The following CEP290 variants were observed in gnomAD, a reference collection of about 807,000 sequenced individuals.
CEP290 encodes centrosomal protein of 290 kDa.
Under a neutral mutation model 344.9 loss-of-function variants are expected in CEP290, and 317 were observed. The ratio of observed to expected loss-of-function variants is 0.92; its 90% CI spans 0.84 to 1.01. The LOEUF is 1.01. Ranked by LOEUF, CEP290 falls within the 50% of genes least tolerant of loss-of-function variation. The pLI, the probability that CEP290 is intolerant of heterozygous loss-of-function variation, is 0.00. For missense variants in CEP290, 2,754 were observed against 2,761.4 expected (o/e 1.00, Z 0.06); for synonymous variants, 932 against 895.8 (o/e 1.04, Z -0.72).
chr12:88,104,704 G>A (rs939958155), intron 25 of CEP290, among the ~76,000 whole-genome samples: 1 of 151,988 alleles, frequency 6.6e-6, no homozygotes, highest in Non-Finnish European at 1.5e-5. Context: ...TTCTCAGCAA[G>A]ATATATTCTG....
At chr12:88,050,312 G>A (rs2033372577) in intron 53 of CEP290, 42 bp downstream of exon 53, 2 of 939,302 alleles carry the variant, frequency 2.1e-6, no homozygotes, top group East Asian at 2.5e-5. Context: ...GTTTTCAACA[G>A]CTGTTTTCAC....
chr12:88,127,033 T>C (rs887683610), intron 11 of CEP290, among the ~76,000 whole-genome samples: 2 of 9,008 alleles, frequency 2.2e-4, no homozygotes, highest in Non-Finnish European at 6.2e-4. Flanking sequence ...TTTTTAGATA[T>C]TAAAACATAC....
rs1206964618 is a variant in CEP290 at position 88,126,327 on chromosome 12, C to A, written c.1054G>T (p.Ala352Ser). 1.3e-6 allele frequency: 2 copies of A among 1,485,686 alleles called. No individual in the cohort carries two copies. Among genetic ancestry groups the A allele is most frequent in the Admixed American group, 2.7e-5 (1 of 37,152 alleles). The allele number at this position is 1,485,686 out of a possible 1,614,324, so 92.0% of individuals were successfully genotyped here. ...QLDADKSNVM[A>S]LQQGIQERDS... ...TGTTAAGATTTTACCTGCTGTAGAG[C>A]CATAACATTACTTTTATCAGCATCA... The change falls in exon 12 of 54, where the codon GCT becomes TCT. Residue 352 changes from alanine to serine, a missense_variant. Physicochemically the swap from Ala to Ser is moderately conservative, Grantham distance 99. Transcript: ENST00000552810.
chr12:88,111,641 T>C (rs1457992165), intron 21 of CEP290, 53 bp downstream of exon 21: 2 of 1,435,790 alleles, frequency 1.4e-6, no homozygotes, highest in African/African-American at 3.0e-5. Context: ...AAATTTCCTA[T>C]TAAATCTACA....
chr12:88,064,722 T>C (rs935361121), intron 44 of CEP290, among the ~76,000 whole-genome samples: 2 of 152,094 alleles, frequency 1.3e-5, no homozygotes, highest in African/African-American at 2.4e-5. Flanking sequence ...GGAGAGAGGA[T>C]TGGGAAAGAT....
rs759725378 is a variant in CEP290, at chr12:88,053,711, T to C, written c.7070A>G (p.Glu2357Gly). Residue 2357 changes from glutamate to glycine, a missense_variant, in exon 52 of 54, where the codon GAA becomes GGA. Glu to Gly is a moderately conservative substitution (Grantham distance 98, BLOSUM62 -2). Coordinates refer to ENST00000552810, the MANE Select transcript of CEP290 (RefSeq NM_025114.4). ...ANHQLDKEKA[E>G]LIHQIEANKD... ...GTTAGCTTCTATCTGATGGATTAAT[T>C]CTGCTTTCTCTTTATCCAGCTGATG... is the stretch of plus-strand genomic sequence containing the variant. 24 of 1,549,978 alleles carry C rather than the reference T, an allele frequency of 1.5e-5. No individual in the cohort carries two copies. The Middle Eastern group carries it at 6.8e-4, about 44-fold the overall frequency.
At chr12:88,086,241 G>A in intron 33 of CEP290, 68 bp from the exon 34 acceptor site, 1 of 1,559,630 alleles carries the variant, frequency 6.4e-7, no homozygotes, top group South Asian at 1.2e-5. Context: ...AATTTTTACA[G>A]CTGTATGATA....
chr12:88,060,771 C>T, intron 47 of CEP290, 59 bp downstream of exon 47: 1 of 1,313,556 alleles, frequency 7.6e-7, no homozygotes, highest in Non-Finnish European at 1.0e-6. Flanking sequence ...TGAAATTTTC[C>T]TAAATAGTAA....
chr12:88,068,493 G>T lies in CEP290; in HGVS notation c.6135+29C>A. The T allele has an allele frequency of 2.2e-6, 3 of 1,363,982 alleles. No homozygotes were observed. The East Asian group carries it at 8.5e-5, about 39-fold the overall frequency. The allele number at this position is 1,363,982 out of a possible 1,614,324, so 84.5% of individuals were successfully genotyped here. On this transcript the variant is annotated intron_variant, in intron 44 of 53. Transcript: ENST00000552810. ...TTCATGCATTTTAACATGGAAAAAA[G>T]AAAAAAATAATAAAAGATATACACT...
At chr12:88,132,111 T>G (rs1172721384) in intron 6 of CEP290, among the ~76,000 whole-genome samples, 1 of 152,174 alleles carries the variant, frequency 6.6e-6, no homozygotes, top group Non-Finnish European at 1.5e-5. Flanking sequence ...GTGAATAGAA[T>G]AGCAAAAAGT....
intron 44 of CEP290, among the ~76,000 whole-genome samples, chr12:88,066,165 A>G (rs1215051879): frequency 6.6e-6 from 1 of 152,198 alleles, no homozygotes; most frequent in Non-Finnish European, 1.5e-5. Context: ...TCTCAGGTGG[A>G]CAGTATAAAG....
chr12:88,061,078 C>G, intron 46 of CEP290, 84 bp from the exon 47 acceptor site: 1 of 915,740 alleles, frequency 1.1e-6, no homozygotes, highest in Non-Finnish European at 1.5e-6. Flanking sequence ...GCTTATTATA[C>G]TCAATAATTC....
chr12:88,094,312 G>A (rs1034187101), intron 27 of CEP290, among the ~76,000 whole-genome samples: 20 of 152,042 alleles, frequency 1.3e-4, no homozygotes, highest in African/African-American at 4.1e-4. Flanking sequence ...ACATTTTACT[G>A]AAAGGAGATA....
At position 88,111,559 on chromosome 12, in the gene CEP290, T is replaced by A. The variant is rs78143067; in HGVS notation, c.2217+135A>T. On this transcript the variant is annotated intron_variant, in intron 21 of 53. Coordinates refer to ENST00000552810, the MANE Select transcript of CEP290 (RefSeq NM_025114.4). ...TCCACTTATAATTTTATAAGAGAAATCCAGTTTCTTAATATTGAAAGAATT... is the reference window on the plus strand; with the variant it reads ...TCCACTTATAATTTTATAAGAGAAAACCAGTTTCTTAATATTGAAAGAATT... The A allele has an allele frequency of 0.039, 33,055 of 851,614 alleles. 2,498 individuals are homozygous for A. Among genetic ancestry groups the A allele is most frequent in the African/African-American group, 0.28 (15,439 of 55,740 alleles). The allele number at this position is 851,614 out of a possible 1,614,324, so 52.8% of individuals were successfully genotyped here.
At chr12:88,055,741 A>G in intron 49 of CEP290, 24 bp from the exon 50 acceptor site, 1 of 1,417,232 alleles carries the variant, frequency 7.1e-7, no homozygotes, top group African/African-American at 1.5e-5. Flanking sequence ...GAAAAAAAGT[A>G]TAGACATGGC....
intron 9 of CEP290, 51 bp downstream of exon 9, chr12:88,130,217 A>G (rs1437346918): frequency 3.3e-6 from 5 of 1,498,756 alleles, no homozygotes; most frequent in Non-Finnish European, 9.0e-7. Context: ...ATTGTAATGA[A>G]ATTAAAGTTT....
intron 15 of CEP290, among the ~76,000 whole-genome samples, chr12:88,119,524 C>T (rs1262129497): frequency 3.3e-5 from 5 of 152,178 alleles, no homozygotes; most frequent in Admixed American, 6.5e-5. Context: ...ACAGGCCAGG[C>T]GCGGTGGCTC....
chr12:88,050,716 T>C (rs149266334), intron 52 of CEP290, among the ~76,000 whole-genome samples: 10 of 152,186 alleles, frequency 6.6e-5, no homozygotes, highest in African/African-American at 2.2e-4. Context: ...ATGGAAAAAA[T>C]CCTAAAGCCA....
chr12:88,053,956 G>T (rs1314642284), intron 51 of CEP290, among the ~76,000 whole-genome samples: 1 of 152,116 alleles, frequency 6.6e-6, no homozygotes, highest in Non-Finnish European at 1.5e-5. Context: ...TATCTGACCT[G>T]ATGGCATTTG....
Sources: gnomAD v4.1 joint callset for allele counts (sites outside exome capture counted in the v4.1 genomes callset) on GRCh38, gnomAD v4.1.1 for gene constraint, MANE v1.5 for transcripts, NCBI Gene and HGNC (gene_info 2026-07-23, HGNC 2026-07-21) for gene names.